The following UBN2 variants were observed in gnomAD, a reference collection of about 807,000 sequenced individuals.
UBN2 encodes ubinuclein 2.
Under a neutral mutation model 120.2 loss-of-function variants are expected in UBN2, and 35 were observed. That is an observed-to-expected ratio of 0.29 (90% confidence interval 0.22 to 0.39). UBN2 has a LOEUF of 0.39. Among genes scored for constraint, UBN2 ranks in the 10% least tolerant of loss-of-function variants. The probability of loss-of-function intolerance (pLI) is 1.00; values close to 1 mark genes in which losing one functional copy is unlikely to be tolerated. For missense variants in UBN2, 1,693 were observed against 1,663.2 expected (o/e 1.02, Z -0.31); for synonymous variants, 661 against 648.7 (o/e 1.02, Z -0.29).
chr7:139,298,161 A>G lies in UBN2; in HGVS notation c.*325A>G. On this transcript the variant is annotated 3_prime_UTR_variant, in exon 18 of 18. Transcript: ENST00000473989. ...ATTTTTCCCGGGGGAGGAAGAAGGA[A>G]GTGAAGAGAATTTGGGTAAACTCCA... The G allele has an allele frequency of 3.6e-6, 1 of 276,354 alleles. No homozygotes were observed. Among genetic ancestry groups the G allele is most frequent in the Admixed American group, 4.8e-5 (1 of 20,792 alleles). 17.1% of individuals were successfully genotyped at this position (276,354 alleles called of 1,614,324 possible). A position where few individuals can be genotyped will look rare whatever the true frequency, so the allele number is the denominator to read the frequency against.
rs775567282 is a variant in UBN2 at position 139,231,254 on chromosome 7, G to T, written c.-231G>T. Among the ~76,000 whole-genome samples, 101 of 152,368 alleles carry T rather than the reference G, an allele frequency of 6.6e-4. No individual in the cohort carries two copies. In the Middle Eastern group the frequency reaches 0.024, roughly 36 times the overall value. On this transcript the variant is annotated 5_prime_UTR_variant, in exon 1 of 18. Transcript: ENST00000473989. ...TCAGCGGCCTGCTTCTATTTATGTGGGGGATCCAACATGGCGGCCGCGGCG... is the reference window on the plus strand; with the variant it reads ...TCAGCGGCCTGCTTCTATTTATGTGTGGGATCCAACATGGCGGCCGCGGCG...
chr7:139,267,004 A>C (rs1380789419), intron 7 of UBN2, among the ~76,000 whole-genome samples: 1 of 152,234 alleles, frequency 6.6e-6, no homozygotes, highest in East Asian at 1.9e-4. Context: ...ATAATTTTGC[A>C]CTCAGAGTTT....
At position 139,261,839 on chromosome 7, in the gene UBN2, A is replaced by G. The variant is rs1796945255; in HGVS notation, c.1395+98A>G. The G allele has an allele frequency of 4.0e-6, 5 of 1,258,348 alleles. No individual in the cohort carries two copies. The East Asian group carries it at 1.3e-4, about 32-fold the overall frequency. 77.9% of individuals were successfully genotyped at this position (1,258,348 alleles called of 1,614,324 possible). On this transcript the variant is annotated intron_variant, in intron 6 of 17. Coordinates refer to ENST00000473989, the MANE Select transcript of UBN2 (RefSeq NM_173569.4). ...TTATTTTCCACATAACACTGGTATA[A>G]TTGCTTTTGTTTTTTAAAGATAAAA...
chr7:139,270,404 G>C (rs951308649), intron 8 of UBN2, among the ~76,000 whole-genome samples: 5 of 151,580 alleles, frequency 3.3e-5, no homozygotes, highest in African/African-American at 7.3e-5. Flanking sequence ...GAGTAGCTGT[G>C]ATTACAGGCA....
At chr7:139,284,685 C>A in intron 15 of UBN2, 111 bp downstream of exon 15, 1 of 912,900 alleles carries the variant, frequency 1.1e-6, no homozygotes, top group Non-Finnish European at 1.6e-6. Context: ...TCTCAATTGG[C>A]TTATTACAGC....
chr7:139,254,340 C>A (rs1020181146), intron 3 of UBN2, among the ~76,000 whole-genome samples: 5 of 152,120 alleles, frequency 3.3e-5, no homozygotes, highest in African/African-American at 1.2e-4. Flanking sequence ...AACTTATTTA[C>A]CATACTAGGC....
intron 2 of UBN2, among the ~76,000 whole-genome samples, chr7:139,251,137 C>T (rs1324793862): frequency 1.3e-5 from 2 of 151,828 alleles, no homozygotes; most frequent in African/African-American, 2.4e-5. Context: ...CATGATCATG[C>T]CACTGCACTG....
intron 11 of UBN2, among the ~76,000 whole-genome samples, chr7:139,275,001 G>A (rs542153833): frequency 1.8e-4 from 27 of 152,160 alleles, no homozygotes; most frequent in African/African-American, 4.1e-4. Flanking sequence ...AATGTGGCCC[G>A]TTGCGGTGGC....
At chr7:139,276,459 C>T (rs1797444974) in intron 12 of UBN2, 1 of 369,126 alleles carries the variant, frequency 2.7e-6, no homozygotes, top group Admixed American at 4.3e-5. Context: ...TAATGTCCAT[C>T]TGCATTTGTA....
In UBN2 at chr7:139,283,193, A is replaced by G. The variant is rs1253605999; in HGVS notation, c.2288A>G (p.His763Arg). 3.1e-6 allele frequency: 5 copies of G among 1,612,482 alleles called. No homozygotes were observed. The highest frequency in any genetic ancestry group is 2.2e-5 in the South Asian group (2 of 90,954). The part of the protein sequence containing the change: ...DDSLDEDLSF[H>R]SPSLDLVSEA... ...TCACTAGATGAAGACCTTTCTTTCC[A>G]TTCACCTTCACTGGATCTTGTTTCT... The change falls in exon 15 of 18, where the codon CAT becomes CGT. Residue 763 changes from histidine (H) to arginine (R), a missense_variant. Around this residue, in one of 5 missense-constraint regions of UBN2, gnomAD observed 837 missense variants for 817.6 expected, o/e 1.02. Coordinates refer to ENST00000473989, the MANE Select transcript of UBN2 (RefSeq NM_173569.4).
the UBN2 span, among the ~76,000 whole-genome samples, chr7:139,328,381 C>G: frequency 6.6e-6 from 1 of 152,204 alleles, no homozygotes; most frequent in East Asian, 1.9e-4. Context: ...CCCCCATGAT[C>G]CAATCACCTT....
chr7:139,240,259 T>C (rs1286285603), intron 2 of UBN2, among the ~76,000 whole-genome samples: 7 of 151,748 alleles, frequency 4.6e-5, no homozygotes, highest in African/African-American at 7.2e-5. Flanking sequence ...CCAAGTGTTA[T>C]ATCTATGAGT....
the UBN2 span, among the ~76,000 whole-genome samples, chr7:139,313,723 G>C: frequency 2.0e-5 from 3 of 151,948 alleles, no homozygotes; most frequent in Non-Finnish European, 4.4e-5. Flanking sequence ...TAGATTTTTG[G>C]TATATAGTTT....
At chr7:139,258,143 CT>C (rs1345114406) in intron 3 of UBN2, among the ~76,000 whole-genome samples, 2 of 152,168 alleles carry the variant, frequency 1.3e-5, no homozygotes, top group South Asian at 2.1e-4. Context: ...ACTTGGTCAT[CT>C]TTTTAAACTT....
rs763821056 is a variant in UBN2 at position 139,258,500 on chromosome 7, G to A, written c.676G>A (p.Val226Ile). Residue 226 changes from valine (V) to isoleucine (I), a missense_variant, in exon 4 of 18, where the codon GTT (valine) becomes ATT (isoleucine). Transcript: ENST00000473989. Reference sequence around the variant, plus strand: ...TTTTTTAATCTAGTATGATGAATTAGTTCCCGCTTCTCTAACAACAAAATA... The same window carrying A: ...TTTTTTAATCTAGTATGATGAATTAATTCCCGCTTCTCTAACAACAAAATA... Reference protein sequence around the residue: ...IDNSEAYDELVPASLTTKYGG... With the variant: ...IDNSEAYDELIPASLTTKYGG... 1.9e-6 allele frequency: 3 copies of A among 1,591,522 alleles called. No homozygotes were observed. The highest frequency in any genetic ancestry group is 1.7e-6 in the Non-Finnish European group (2 of 1,168,154).
At chr7:139,322,049 C>T in the UBN2 span, among the ~76,000 whole-genome samples, 1 of 151,900 alleles carries the variant, frequency 6.6e-6, no homozygotes, top group African/African-American at 2.4e-5. Context: ...TCTCAGCTCA[C>T]TGCAACCTCT....
At chr7:139,292,639 AAAT>A (rs1348343266) in intron 15 of UBN2, among the ~76,000 whole-genome samples, 5 of 152,210 alleles carry the variant, frequency 3.3e-5, no homozygotes, top group East Asian at 3.9e-4. Context: ...GGTTATAAAA[AAAT>A]AATAAGTTTC....
chr7:139,246,628 G>A (rs960273969), intron 2 of UBN2, among the ~76,000 whole-genome samples: 3 of 152,116 alleles, frequency 2.0e-5, no homozygotes, highest in Non-Finnish European at 2.9e-5. Context: ...TAACAGATGC[G>A]TGCAATCCTG....
intron 15 of UBN2, among the ~76,000 whole-genome samples, chr7:139,291,849 G>T (rs576817721): frequency 1.3e-5 from 2 of 151,644 alleles, no homozygotes; most frequent in Non-Finnish European, 2.9e-5. Flanking sequence ...GTGAAACCCC[G>T]TCTCTAAAAA....
Sources: gnomAD v4.1 joint callset for allele counts (sites outside exome capture counted in the v4.1 genomes callset) on GRCh38, gnomAD v4.1.1 for gene constraint, gnomAD v4.1.1 regional missense constraint, MANE v1.5 for transcripts, NCBI Gene and HGNC (gene_info 2026-07-23, HGNC 2026-07-21) for gene names.